Variants in WWOX observed in about 807,000 individuals in gnomAD.
The protein encoded by WWOX is WW domain-containing oxidoreductase.
A neutral mutation model predicts 46.2 loss-of-function variants in WWOX; 69 were observed. The observed-to-expected ratio is 1.49, with a 90% CI of 1.23 to 1.82. WWOX has a LOEUF of 1.82. WWOX is among the 40% of genes most tolerant of loss of function. WWOX has a pLI of 0.00. For missense variants in WWOX, 919 were observed against 542.6 expected, an observed-to-expected ratio of 1.69 and a Z score of -6.89; for synonymous variants, 359 against 202.6, an observed-to-expected ratio of 1.77 and a Z score of -6.56.
intron 8 of WWOX, among the ~76,000 whole-genome samples, chr16:79,170,758 A>C (rs2050685025): frequency 6.6e-6 from 1 of 152,002 alleles, no homozygotes. Flanking sequence ...CTAAATTTAG[A>C]AGTTACATTT....
intron 8 of WWOX, among the ~76,000 whole-genome samples, chr16:79,026,892 G>C (rs2047655459): frequency 6.7e-6 from 1 of 150,324 alleles, no homozygotes; most frequent in Non-Finnish European, 1.5e-5. Flanking sequence ...GCCTCCCAAA[G>C]TGCTGGGATT....
At chr16:78,786,572 C>T (rs11862064) in intron 8 of WWOX, among the ~76,000 whole-genome samples, 3 of 152,100 alleles carry the variant, frequency 2.0e-5, no homozygotes, top group African/African-American at 4.8e-5. Context: ...CATACACTTT[C>T]CAATAAGCCC....
chr16:78,548,195 G>T (rs1000509831), intron 8 of WWOX, among the ~76,000 whole-genome samples: 4 of 146,292 alleles, frequency 2.7e-5, no homozygotes, highest in Non-Finnish European at 6.0e-5. Flanking sequence ...ATTTTGCGAG[G>T]ACGCAAACAT....
At chr16:79,098,320 G>A (rs187959304) in intron 8 of WWOX, among the ~76,000 whole-genome samples, 1 of 152,336 alleles carries the variant, frequency 6.6e-6, no homozygotes, top group Admixed American at 6.5e-5. Flanking sequence ...GAGACAGACA[G>A]TGGGGATTGA....
chr16:78,719,624 G>A (rs1008428182), intron 8 of WWOX, among the ~76,000 whole-genome samples: 5 of 152,202 alleles, frequency 3.3e-5, no homozygotes, highest in African/African-American at 1.2e-4. Context: ...TTTTTAATAA[G>A]CTAGTCAGGT....
intron 8 of WWOX, chr16:78,898,946 A>G (rs897092886): frequency 6.6e-6 from 1 of 152,152 alleles, no homozygotes; most frequent in East Asian, 1.9e-4. Flanking sequence ...AGTTGATTCT[A>G]GCAAACTGCT....
chr16:78,789,514 G>T (rs12599271), intron 8 of WWOX, among the ~76,000 whole-genome samples: 1 of 151,978 alleles, frequency 6.6e-6, no homozygotes, highest in East Asian at 1.9e-4. Context: ...CTGTATGCCT[G>T]TCCTTATGCC....
Position 78,293,890 on chromosome 16 carries a change from T to C in WWOX, c.517-92970T>C, listed in dbSNP as rs367788067. 5.5e-5 allele frequency among the ~76,000 whole-genome samples: 8 copies of C among 144,616 alleles called. No individual in the cohort carries two copies. In the South Asian group the frequency reaches 1.7e-3, roughly 31 times the overall value. 94.9% of individuals were successfully genotyped at this position (144,616 alleles called of 152,430 possible). Reference sequence around the variant, plus strand: ...GCTCAGGAGGCTGAGGCAGGAGAATTGCTTGAACCCTGGTAGGCAGAGGTT... The same window carrying C: ...GCTCAGGAGGCTGAGGCAGGAGAATCGCTTGAACCCTGGTAGGCAGAGGTT... On this transcript the variant is annotated intron_variant, in intron 5 of 8. Coordinates refer to ENST00000566780, the MANE Select transcript of WWOX (RefSeq NM_016373.4).
At chr16:78,320,326 G>A (rs1468860641) in intron 5 of WWOX, among the ~76,000 whole-genome samples, 1 of 152,174 alleles carries the variant, frequency 6.6e-6, no homozygotes, top group Non-Finnish European at 1.5e-5. Context: ...CCCCTTCGGT[G>A]TAGGTTGTCA....
chr16:78,101,165 A>G (rs2031753252), intron 1 of WWOX, among the ~76,000 whole-genome samples: 1 of 150,448 alleles, frequency 6.6e-6, no homozygotes, highest in South Asian at 2.1e-4. Context: ...CTCCTGCCTC[A>G]GCCTCCCGAG....
rs74628064 is a variant in WWOX, at chr16:78,481,936, G to A, written c.1056+49184G>A. On this transcript the variant is annotated intron_variant, in intron 8 of 8. Coordinates refer to ENST00000566780, the MANE Select transcript of WWOX (RefSeq NM_016373.4). ...GAACCTTTCCTTACCCAAAGATTTC[G>A]TAACTTTCTCACATCCTTGGTTAAG... Among the ~76,000 whole-genome samples the A allele has an allele frequency of 1.4e-4, 21 of 152,148 alleles. No homozygotes were observed. In the East Asian group the frequency reaches 2.5e-3, roughly 18 times the overall value.
Position 79,194,488 on chromosome 16 carries a change from G to A in WWOX, c.1057-17120G>A, listed in dbSNP as rs181961354. 1.4e-3 allele frequency among the ~76,000 whole-genome samples: 215 copies of A among 152,194 alleles called. 2 individuals carry two copies. Among genetic ancestry groups the A allele is most frequent in the Admixed American group, 4.4e-3 (67 of 15,290 alleles). On this transcript the variant is annotated intron_variant, in intron 8 of 8. Coordinates refer to ENST00000566780, the MANE Select transcript of WWOX (RefSeq NM_016373.4). ...GTTATGAACTCACAGAGGAAGTGACGGCTGAACTTTGTAAGGACACAAGTG... is the reference window on the plus strand; with the variant it reads ...GTTATGAACTCACAGAGGAAGTGACAGCTGAACTTTGTAAGGACACAAGTG...
intron 8 of WWOX, among the ~76,000 whole-genome samples, chr16:78,620,879 G>A (rs991161759): frequency 3.3e-5 from 5 of 152,140 alleles, no homozygotes; most frequent in East Asian, 1.9e-4. Context: ...AGGTCACTAC[G>A]TATTGCGTAT....
intron 4 of WWOX, among the ~76,000 whole-genome samples, chr16:78,133,735 A>G (rs964418308): frequency 2.0e-5 from 3 of 152,342 alleles, no homozygotes; most frequent in Middle Eastern, 6.8e-3. Flanking sequence ...ACAAATGCTC[A>G]TGACTTTCAA....
At chr16:78,690,212 A>G (rs2047953851) in intron 8 of WWOX, among the ~76,000 whole-genome samples, 1 of 152,052 alleles carries the variant, frequency 6.6e-6, no homozygotes, top group Non-Finnish European at 1.5e-5. Context: ...TTTGAGGACC[A>G]TGTGTTGTGT....
At chr16:78,168,161 G>C (rs946188632) in intron 5 of WWOX, 1 of 152,114 alleles carries the variant, frequency 6.6e-6, no homozygotes, top group African/African-American at 2.4e-5. Context: ...ATGTGCCAAG[G>C]CTCCGTGGGC....
intron 4 of WWOX, among the ~76,000 whole-genome samples, chr16:78,142,267 C>T (rs1178709221): frequency 2.0e-5 from 3 of 152,086 alleles, no homozygotes; most frequent in East Asian, 3.9e-4. Context: ...AAAATAGTTA[C>T]TGCCTCTGTG....
intron 5 of WWOX, among the ~76,000 whole-genome samples, chr16:78,257,895 A>G (rs1239982254): frequency 6.6e-6 from 1 of 150,850 alleles, no homozygotes; most frequent in African/African-American, 2.5e-5. Flanking sequence ...CTTTCTAGAA[A>G]CAGGAACTGA....
intron 8 of WWOX, among the ~76,000 whole-genome samples, chr16:78,577,710 A>T (rs1223458801): frequency 6.6e-6 from 1 of 152,164 alleles, no homozygotes; most frequent in Non-Finnish European, 1.5e-5. Context: ...GCTCTGGGAG[A>T]CAGTGTGTTG....
Sources: allele counts gnomAD v4.1 joint callset (sites outside exome capture counted in the v4.1 genomes callset), GRCh38; gene constraint gnomAD v4.1.1; transcripts MANE v1.5; gene names NCBI Gene and HGNC (gene_info 2026-07-23, HGNC 2026-07-21).